DOT1L: variants seen among roughly 807,000 people sequenced by gnomAD.
DOT1L encodes the protein DOT1 like histone lysine methyltransferase, also known as histone-lysine N-methyltransferase, H3 lysine-79 specific.
Under a neutral mutation model 153.3 loss-of-function variants are expected in DOT1L, and 33 were observed. The ratio of observed to expected loss-of-function variants is 0.22; its 90% CI spans 0.16 to 0.29. DOT1L has a LOEUF of 0.29. Among genes scored for constraint, DOT1L ranks in the 10% least tolerant of loss-of-function variants. The pLI is 1.00. For missense variants in DOT1L, 1,847 were observed against 2,119.9 expected (o/e 0.87, Z 2.53); for synonymous variants, 1,135 against 965.1 (o/e 1.18, Z -3.26).
chr19:2,198,411 G>A (rs1429627646), intron 7 of DOT1L, among the ~76,000 whole-genome samples: 2 of 152,128 alleles, frequency 1.3e-5, no homozygotes, highest in Admixed American at 6.5e-5. Context: ...CGGAGGATGT[G>A]CAGCTGCTCC....
intron 7 of DOT1L, among the ~76,000 whole-genome samples, chr19:2,196,061 C>T (rs1247167218): frequency 2.0e-5 from 3 of 152,264 alleles, no homozygotes; most frequent in Non-Finnish European, 2.9e-5. Flanking sequence ...CCAGGGCCTT[C>T]CTCGGATCGC....
chr19:2,165,030 G>T (rs1326822930), intron 1 of DOT1L, among the ~76,000 whole-genome samples: 1 of 152,204 alleles, frequency 6.6e-6, no homozygotes, highest in Non-Finnish European at 1.5e-5. Context: ...CGGGTGGAAT[G>T]TTACAGAGGC....
chr19:2,227,928 C>T (rs1401625438), intron 27 of DOT1L: 12 of 1,185,958 alleles, frequency 1.0e-5, no homozygotes, highest in East Asian at 7.9e-5. Flanking sequence ...GCCTCCGCCT[C>T]CCCCGCTGCC....
intron 7 of DOT1L, among the ~76,000 whole-genome samples, chr19:2,196,891 AG>A (rs2023046934): frequency 6.6e-6 from 1 of 152,144 alleles, no homozygotes; most frequent in African/African-American, 2.4e-5. Context: ...GTGGAGGATA[AG>A]CCCGTGGTCC....
chr19:2,205,839 A>G (rs1400277716), intron 9 of DOT1L, among the ~76,000 whole-genome samples: 1 of 146,294 alleles, frequency 6.8e-6, no homozygotes, highest in East Asian at 2.1e-4. Context: ...GATCACAGGC[A>G]TGCACCATCA....
intron 27 of DOT1L, chr19:2,227,981 C>G: frequency 3.1e-6 from 4 of 1,272,562 alleles, no homozygotes; most frequent in Non-Finnish European, 4.1e-6. Context: ...GGCCGCCCGT[C>G]CTCCACGCCC....
intron 2 of DOT1L, among the ~76,000 whole-genome samples, chr19:2,184,982 T>C (rs2022424088): frequency 6.6e-6 from 1 of 152,176 alleles, no homozygotes; most frequent in Non-Finnish European, 1.5e-5. Context: ...GGTGTCAAGA[T>C]GACGCTGGCT....
Position 2,217,386 on chromosome 19 carries a change from G to A in DOT1L, c.2544+296G>A, listed in dbSNP as rs1289247585. Among the ~76,000 whole-genome samples the A allele has an allele frequency of 1.3e-5, 2 of 152,154 alleles. No homozygotes were observed. Among genetic ancestry groups the A allele is most frequent in the Non-Finnish European group, 2.9e-5 (2 of 68,012 alleles). ...GACACAGAGCCCAGTTTGGGAGGCC[G>A]CTGCCCATGAGGACTTCCCCGGGGG... On this transcript the variant is annotated intron_variant, in intron 21 of 27. Coordinates refer to ENST00000398665, the MANE Select transcript of DOT1L (RefSeq NM_032482.3). The surrounding 1 kb of genome is among the most constrained non-coding windows in gnomAD (Gnocchi z 7.3).
In DOT1L at chr19:2,190,460, C is replaced by G. The variant is rs2022742562; in HGVS notation, c.265-552C>G. Reference sequence around the variant, plus strand: ...GGGCTGGGCTGGGCTGCCCCATCAGCCTGCCACCCGGCTCTGGCTTCCCCT... The same window carrying G: ...GGGCTGGGCTGGGCTGCCCCATCAGGCTGCCACCCGGCTCTGGCTTCCCCT... On this transcript the variant is annotated intron_variant, in intron 4 of 27. Coordinates refer to ENST00000398665, the MANE Select transcript of DOT1L (RefSeq NM_032482.3). The surrounding 1 kb of genome is among the most constrained non-coding windows in gnomAD (Gnocchi z 4.8). 6.6e-6 allele frequency among the ~76,000 whole-genome samples: 1 copy of G among 152,088 alleles called. No homozygotes were observed. Among genetic ancestry groups the G allele is most frequent in the South Asian group, 2.1e-4 (1 of 4,834 alleles).
chr19:2,228,104 C>A (rs752143371), intron 27 of DOT1L: 1 of 1,354,306 alleles, frequency 7.4e-7, no homozygotes, highest in African/African-American at 1.5e-5. Flanking sequence ...CTTTCTTGCC[C>A]CCCACCTCTG....
chr19:2,164,143 C>T lies in DOT1L; in HGVS notation c.-42C>T. 1 of 1,158,718 alleles carries T rather than the reference C, an allele frequency of 8.6e-7. No homozygotes were observed. The allele number at this position is 1,158,718 out of a possible 1,614,324, so 71.8% of individuals were successfully genotyped here. ...CCCACCGGCGGCCCCGCCCCTCCCC[C>T]AACCGCCCGCCTAGCATGGTGCGGC... On this transcript the variant is annotated 5_prime_UTR_variant, in exon 1 of 28. Transcript: ENST00000398665.
At chr19:2,223,201 C>T in intron 24 of DOT1L, 80 bp from the exon 25 acceptor site, 1 of 1,505,378 alleles carries the variant, frequency 6.6e-7, no homozygotes, top group Non-Finnish European at 9.1e-7. Flanking sequence ...CAGACAGGAG[C>T]CTCCTGGGGC....
intron 1 of DOT1L, among the ~76,000 whole-genome samples, chr19:2,166,701 G>A (rs980789893): frequency 2.0e-5 from 3 of 152,084 alleles, no homozygotes; most frequent in African/African-American, 7.2e-5. Flanking sequence ...GTGAGCCACC[G>A]CACCTGGCCT....
intron 20 of DOT1L, 32 bp downstream of exon 20, chr19:2,216,797 G>C: frequency 6.4e-7 from 1 of 1,567,032 alleles, no homozygotes; most frequent in Non-Finnish European, 8.6e-7. Flanking sequence ...GGGGTCTGCA[G>C]CTGGTACCTG....
chr19:2,231,366 A>G lies in DOT1L; in HGVS notation c.*1574A>G, dbSNP rs773984278. ...CAAGGGCAGGATGGACACACGTCAC[A>G]TCCCTACCACGTGGCCTCCAAAGGG... On this transcript the variant is annotated 3_prime_UTR_variant, in exon 28 of 28. Transcript: ENST00000398665. The G allele has an allele frequency of 1.4e-5, 3 of 207,780 alleles. No homozygotes were observed. The highest frequency in any genetic ancestry group is 1.9e-4 in the South Asian group (1 of 5,318). 12.9% of individuals were successfully genotyped at this position (207,780 alleles called of 1,614,324 possible).
intron 4 of DOT1L, among the ~76,000 whole-genome samples, 192 bp downstream of exon 4, chr19:2,189,987 G>A (rs568151989): frequency 5.3e-4 from 80 of 152,288 alleles, no homozygotes; most frequent in Non-Finnish European, 1.0e-3. Flanking sequence ...GTGTGCTGTG[G>A]CCGTGTGCCA....
Position 2,192,692 on chromosome 19 carries a change from AT to A in DOT1L, c.494-996del, listed in dbSNP as rs1223044021. Among the ~76,000 whole-genome samples the A allele has an allele frequency of 3.9e-4, 55 of 142,734 alleles. No individual in the cohort carries two copies. The East Asian group carries it at 3.9e-3, about 10-fold the overall frequency. 93.6% of individuals were successfully genotyped at this position (142,734 alleles called of 152,430 possible). A position where few individuals can be genotyped will look rare whatever the true frequency, so the allele number is the denominator to read the frequency against. On this transcript the variant is annotated intron_variant, in intron 5 of 27. Transcript: ENST00000398665. ...CGTCTCAAAAAAAAAAAAAAAAAAA[AT>A]GGGGCATATCTGGCTGGGCTCTTTG...
At chr19:2,229,045 C>T (rs1599633225) in intron 27 of DOT1L, 1 of 985,456 alleles carries the variant, frequency 1.0e-6, no homozygotes, top group Non-Finnish European at 1.2e-6. Context: ...GCCCTGTGGT[C>T]ATGGCCCACA....
rs986865745 is a variant in DOT1L, at chr19:2,229,593, C to G, written c.4607-192C>G. On this transcript the variant is annotated intron_variant, in intron 27 of 27. Coordinates refer to ENST00000398665, the MANE Select transcript of DOT1L (RefSeq NM_032482.3). ...TTGGCCGGCGTGTCCAGGTGTCAGG[C>G]TCCCTGGTCTGTCACGGGGCACGCC... 1.9e-5 allele frequency: 19 copies of G among 985,346 alleles called. No individual in the cohort carries two copies. The African/African-American group carries it at 3.1e-4, about 16-fold the overall frequency. The allele number at this position is 985,346 out of a possible 1,614,324, so 61.0% of individuals were successfully genotyped here. A position where few individuals can be genotyped will look rare whatever the true frequency, so the allele number is the denominator to read the frequency against.
Sources: gnomAD v4.1 joint callset for allele counts (sites outside exome capture counted in the v4.1 genomes callset) on GRCh38, gnomAD v4.1.1 for gene constraint, Gnocchi (gnomAD v3.1) non-coding constraint, MANE v1.5 for transcripts, NCBI Gene and HGNC (gene_info 2026-07-23, HGNC 2026-07-21) for gene names.